The following CADPS variants were observed in gnomAD, a reference collection of about 807,000 sequenced individuals.
The protein encoded by CADPS is calcium dependent secretion activator.
CADPS carries 57 observed loss-of-function variants against 167.3 expected under a neutral mutation model. The observed-to-expected ratio is 0.34, with a 90% CI of 0.28 to 0.42. The LOEUF is 0.42. Among genes scored for constraint, CADPS ranks in the 20% least tolerant of loss-of-function variants. CADPS has a pLI of 1.00. For synonymous variants in CADPS, 676 were observed against 635.3 expected (o/e 1.06, Z -0.96); for missense variants, 1,414 against 1,738.1 (o/e 0.81, Z 3.32).
At chr3:62,833,458 G>A (rs2075421405) in intron 1 of CADPS, among the ~76,000 whole-genome samples, 1 of 151,796 alleles carries the variant, frequency 6.6e-6, no homozygotes, top group Admixed American at 6.6e-5. Context: ...GGAGGCTGAG[G>A]AGGGAGGAGG....
intron 6 of CADPS, among the ~76,000 whole-genome samples, chr3:62,595,224 A>G (rs561004362): frequency 2.6e-5 from 4 of 152,282 alleles, no homozygotes; most frequent in African/African-American, 9.6e-5. Flanking sequence ...CAGTCATAGT[A>G]GAGACAGAGA....
chr3:62,836,372 C>A (rs1464195187), intron 1 of CADPS, among the ~76,000 whole-genome samples: 1 of 152,136 alleles, frequency 6.6e-6, no homozygotes. Flanking sequence ...TCCCTGTCCT[C>A]CAATAGCACT....
chr3:62,650,369 G>T (rs1235579363), intron 5 of CADPS, among the ~76,000 whole-genome samples: 1 of 152,138 alleles, frequency 6.6e-6, no homozygotes, highest in African/African-American at 2.4e-5. Flanking sequence ...TGAGCATTTT[G>T]CCACAATACT....
chr3:62,488,392 C>T (rs544586384), intron 21 of CADPS, among the ~76,000 whole-genome samples: 3 of 152,244 alleles, frequency 2.0e-5, no homozygotes, highest in East Asian at 1.9e-4. Context: ...AAAGCTGCCC[C>T]GTGGCATCCA....
chr3:62,436,921 T>C lies in CADPS; in HGVS notation c.3777+1183A>G, dbSNP rs530905190. Among the ~76,000 whole-genome samples, 5 of 151,332 alleles carry C rather than the reference T, an allele frequency of 3.3e-5. No individual in the cohort carries two copies. In the South Asian group the frequency reaches 1.0e-3, roughly 32 times the overall value. On this transcript the variant is annotated intron_variant, in intron 28 of 29. Transcript: ENST00000383710. Reference sequence around the variant, plus strand: ...ACGAGGAAAGCAAATGAGCTGGAAGTCAAAGCATATAAAAGTCAGAAGCCG... The same window carrying C: ...ACGAGGAAAGCAAATGAGCTGGAAGCCAAAGCATATAAAAGTCAGAAGCCG...
At chr3:62,853,656 A>AAAAGT (rs2079077535) in intron 1 of CADPS, among the ~76,000 whole-genome samples, 1 of 151,252 alleles carries the variant, frequency 6.6e-6, no homozygotes, top group African/African-American at 2.4e-5. Flanking sequence ...AAAAGAAAAG[A>AAAAGT]AAGCATCTAA....
chr3:62,630,164 AT>A (rs1359485627), intron 6 of CADPS, among the ~76,000 whole-genome samples: 1 of 152,066 alleles, frequency 6.6e-6, no homozygotes, highest in Non-Finnish European at 1.5e-5. Context: ...TCTAATACAT[AT>A]TTTTTTGTAA....
chr3:62,479,355 G>A (rs2061685229), intron 22 of CADPS, among the ~76,000 whole-genome samples: 1 of 152,168 alleles, frequency 6.6e-6, no homozygotes, highest in Non-Finnish European at 1.5e-5. Context: ...TCTGAGGGGT[G>A]TCCTCCCCCC....
intron 6 of CADPS, among the ~76,000 whole-genome samples, chr3:62,606,016 T>A (rs2060644206): frequency 1.3e-5 from 2 of 152,158 alleles, no homozygotes; most frequent in South Asian, 4.1e-4. Flanking sequence ...CTGACTTCCT[T>A]CTCTGAGTGC....
chr3:62,686,541 C>T (rs1158870729), intron 3 of CADPS, among the ~76,000 whole-genome samples: 1 of 150,432 alleles, frequency 6.6e-6, no homozygotes, highest in East Asian at 1.9e-4. Context: ...ATGTACACTA[C>T]AAGTGATGAT....
At chr3:62,676,719 T>G (rs969438807) in intron 3 of CADPS, among the ~76,000 whole-genome samples, 5 of 152,184 alleles carry the variant, frequency 3.3e-5, no homozygotes, top group African/African-American at 1.2e-4. Flanking sequence ...TGTGAAATTC[T>G]GCCATAGAGA....
chr3:62,547,588 C>CG (rs1387691566), intron 11 of CADPS, among the ~76,000 whole-genome samples: 1 of 60,704 alleles, frequency 1.6e-5, no homozygotes, highest in Non-Finnish European at 3.1e-5. Context: ...TCATTTACGC[C>CG]CCCCCCCCCC....
At chr3:62,580,599 A>G (rs186347410) in intron 8 of CADPS, among the ~76,000 whole-genome samples, 1 of 148,770 alleles carries the variant, frequency 6.7e-6, no homozygotes, top group Non-Finnish European at 1.5e-5. Flanking sequence ...AAAAAATAAA[A>G]AAAAAAAGAA....
intron 7 of CADPS, among the ~76,000 whole-genome samples, chr3:62,589,175 G>A (rs1293553173): frequency 6.6e-6 from 1 of 152,148 alleles, no homozygotes; most frequent in African/African-American, 2.4e-5. Flanking sequence ...TCTAAACACA[G>A]GTCTGCTAAG....
At chr3:62,626,663 G>A (rs918373705) in intron 6 of CADPS, 2 of 683,110 alleles carry the variant, frequency 2.9e-6, no homozygotes, top group Non-Finnish European at 5.3e-6. Context: ...GTTGACGTTT[G>A]GAGTTCCTTC....
chr3:62,442,781 C>A lies in CADPS; in HGVS notation c.3669+2984G>T, dbSNP rs73840190. Among the ~76,000 whole-genome samples, 823 of 152,180 alleles carry A rather than the reference C, an allele frequency of 5.4e-3. 6 individuals carry two copies. The highest frequency in any genetic ancestry group is 0.019 in the African/African-American group (774 of 41,504). On this transcript the variant is annotated intron_variant, in intron 27 of 29. Coordinates refer to ENST00000383710, the MANE Select transcript of CADPS (RefSeq NM_003716.4). ...CACACTCTGCTTATTCACCAGGTGA[C>A]CTTGGGCATGCTAATTAACCTCTTT...
At chr3:62,741,146 A>G (rs1444887905) in intron 3 of CADPS, among the ~76,000 whole-genome samples, 2 of 152,188 alleles carry the variant, frequency 1.3e-5, no homozygotes, top group African/African-American at 4.8e-5. Context: ...ATGGTAGCTA[A>G]TAATAACTAG....
At chr3:62,603,514 G>C (rs2060262321) in intron 6 of CADPS, among the ~76,000 whole-genome samples, 1 of 152,148 alleles carries the variant, frequency 6.6e-6, no homozygotes, top group Non-Finnish European at 1.5e-5. Context: ...ACATATAGAA[G>C]ACCTGCATCT....
At chr3:62,813,860 T>C (rs975283480) in intron 1 of CADPS, among the ~76,000 whole-genome samples, 1 of 152,048 alleles carries the variant, frequency 6.6e-6, no homozygotes, top group African/African-American at 2.4e-5. Flanking sequence ...AGGCTGTGCT[T>C]TATTTACTAC....
Sources: gnomAD v4.1 joint callset for allele counts (sites outside exome capture counted in the v4.1 genomes callset) on GRCh38, gnomAD v4.1.1 for gene constraint, MANE v1.5 for transcripts, NCBI Gene and HGNC (gene_info 2026-07-23, HGNC 2026-07-21) for gene names.